Variants in MRPS28 observed in about 807,000 individuals in gnomAD.
MRPS28 encodes the protein mitochondrial ribosomal protein S28, also known as small ribosomal subunit protein bS1m.
MRPS28 carries 7 observed loss-of-function variants against 10.8 expected under a neutral mutation model. That is an observed-to-expected ratio of 0.65 (90% CI 0.37 to 1.22). The LOEUF is 1.22. Ranked by LOEUF, MRPS28 falls within the 50% of genes most tolerant of loss-of-function variation. The pLI, the probability that MRPS28 is intolerant of heterozygous loss-of-function variation, is 0.02. For synonymous variants in MRPS28, 121 were observed against 93.3 expected (o/e 1.30, Z -1.71); for missense variants, 265 against 232.9 (o/e 1.14, Z -0.90).
At chr8:80,006,702 C>T (rs908980076) in intron 1 of MRPS28, among the ~76,000 whole-genome samples, 1 of 152,046 alleles carries the variant, frequency 6.6e-6, no homozygotes, top group South Asian at 2.1e-4. Flanking sequence ...ACACATACAC[C>T]CTCCCAAGAC....
chr8:79,937,085 T>G (rs1335176905), intron 2 of MRPS28, among the ~76,000 whole-genome samples: 1 of 152,144 alleles, frequency 6.6e-6, no homozygotes, highest in Non-Finnish European at 1.5e-5. Context: ...GGTCTCAAAC[T>G]CCTGACCTCA....
intron 2 of MRPS28, among the ~76,000 whole-genome samples, chr8:80,002,714 C>A (rs976904518): frequency 1.3e-5 from 2 of 152,136 alleles, no homozygotes; most frequent in Non-Finnish European, 2.9e-5. Flanking sequence ...AAGCAACATG[C>A]ATTATTACAA....
intron 1 of MRPS28, 114 bp from the exon 2 acceptor site, chr8:80,003,294 G>T: frequency 1.2e-6 from 1 of 826,402 alleles, no homozygotes; most frequent in Non-Finnish European, 1.7e-6. Flanking sequence ...AAATATATGT[G>T]GAATTTTGCT....
intron 2 of MRPS28, among the ~76,000 whole-genome samples, chr8:79,926,664 G>T (rs1810242000): frequency 1.3e-5 from 2 of 152,188 alleles, no homozygotes; most frequent in African/African-American, 4.8e-5. Flanking sequence ...AAAACTCATT[G>T]AAGGCATTCT....
intron 2 of MRPS28, among the ~76,000 whole-genome samples, chr8:79,990,989 CAA>C (rs60436244): frequency 1.2e-3 from 140 of 118,862 alleles, no homozygotes; most frequent in Admixed American, 1.4e-3. Flanking sequence ...GACTCCATCT[CAA>C]AAAAAAAAAA....
chr8:79,983,942 C>T (rs1214049772), intron 2 of MRPS28, among the ~76,000 whole-genome samples: 4 of 152,020 alleles, frequency 2.6e-5, no homozygotes, highest in Non-Finnish European at 4.4e-5. Context: ...AGATACTCCT[C>T]GAGAAGAGCA....
intron 1 of MRPS28, among the ~76,000 whole-genome samples, chr8:80,013,849 T>C (rs114963425): frequency 0.016 from 2,403 of 152,224 alleles, 62 homozygotes; most frequent in African/African-American, 0.053. Flanking sequence ...ACAGAGTTCT[T>C]TTATTGAAAT....
At chr8:79,967,302 T>C (rs1208818064) in intron 2 of MRPS28, among the ~76,000 whole-genome samples, 1 of 152,200 alleles carries the variant, frequency 6.6e-6, no homozygotes, top group Non-Finnish European at 1.5e-5. Context: ...CAGCTTTCTC[T>C]GTTCTCTAGT....
At chr8:79,926,891 G>C (rs1810247084) in intron 2 of MRPS28, among the ~76,000 whole-genome samples, 1 of 152,194 alleles carries the variant, frequency 6.6e-6, no homozygotes, top group Non-Finnish European at 1.5e-5. Flanking sequence ...ATAGGGTAGA[G>C]CTAGAGATTC....
intron 1 of MRPS28, among the ~76,000 whole-genome samples, chr8:80,025,270 A>G (rs1490369632): frequency 6.6e-6 from 1 of 152,210 alleles, no homozygotes; most frequent in Non-Finnish European, 1.5e-5. Flanking sequence ...CCCAGTTTCC[A>G]ATTTCTATAT....
At chr8:79,966,290 TA>T (rs995039043) in intron 2 of MRPS28, among the ~76,000 whole-genome samples, 61 of 152,070 alleles carry the variant, frequency 4.0e-4, no homozygotes, top group African/African-American at 1.4e-3. Flanking sequence ...AAAAGCAGAA[TA>T]AAGTTGCCTA....
chr8:80,029,651 G>T, intron 1 of MRPS28: 1 of 1,080,792 alleles, frequency 9.3e-7, no homozygotes, highest in Non-Finnish European at 1.3e-6. Flanking sequence ...TAGAGCTACT[G>T]TTCAGAACAA....
chr8:79,945,901 T>A (rs1337390507), intron 2 of MRPS28, among the ~76,000 whole-genome samples: 1 of 152,200 alleles, frequency 6.6e-6, no homozygotes, highest in Non-Finnish European at 1.5e-5. Context: ...AATACTATTT[T>A]AAGTTGTTAT....
intron 1 of MRPS28, among the ~76,000 whole-genome samples, chr8:80,024,318 A>C (rs1438850831): frequency 6.6e-6 from 1 of 152,230 alleles, no homozygotes; most frequent in East Asian, 1.9e-4. Context: ...AAGCTAATGA[A>C]GCAAAGTAAA....
intron 1 of MRPS28, among the ~76,000 whole-genome samples, chr8:80,006,521 T>G (rs185925451): frequency 3.9e-5 from 6 of 152,244 alleles, no homozygotes; most frequent in African/African-American, 1.2e-4. Flanking sequence ...GATAGACCGC[T>G]AGCAAGGCTA....
chr8:79,963,585 A>C (rs1407524734), intron 2 of MRPS28, among the ~76,000 whole-genome samples: 1 of 152,132 alleles, frequency 6.6e-6, no homozygotes, highest in Non-Finnish European at 1.5e-5. Flanking sequence ...GCACAGACTT[A>C]GGTCAATAAG....
intron 2 of MRPS28, among the ~76,000 whole-genome samples, chr8:79,976,874 C>T (rs1172141797): frequency 6.6e-6 from 1 of 152,102 alleles, no homozygotes; most frequent in South Asian, 2.1e-4. Flanking sequence ...AATCTGTTTA[C>T]ATAAACCTGA....
chr8:80,022,619 C>T (rs139967641), intron 1 of MRPS28, among the ~76,000 whole-genome samples: 4 of 152,264 alleles, frequency 2.6e-5, no homozygotes, highest in Non-Finnish European at 5.9e-5. Flanking sequence ...TAGGCAAAAC[C>T]CAAACTGAAT....
chr8:79,924,664 C>A (rs1033135320), intron 2 of MRPS28, among the ~76,000 whole-genome samples: 3 of 152,116 alleles, frequency 2.0e-5, no homozygotes, highest in African/African-American at 7.2e-5. Flanking sequence ...AACTTTTAAG[C>A]CTTTTTATTA....
Sources: gnomAD v4.1 joint callset for allele counts (sites outside exome capture counted in the v4.1 genomes callset) on GRCh38, gnomAD v4.1.1 for gene constraint, MANE v1.5 for transcripts, NCBI Gene and HGNC (gene_info 2026-07-23, HGNC 2026-07-21) for gene names.